The following PBX3 variants were observed in gnomAD, a reference collection of about 807,000 sequenced individuals.
The protein encoded by PBX3 is pre-B-cell leukemia transcription factor 3.
Under a neutral mutation model 48.5 loss-of-function variants are expected in PBX3, and 14 were observed. The ratio of observed to expected loss-of-function variants is 0.29; its 90% CI spans 0.19 to 0.45. The LOEUF (loss-of-function observed/expected upper bound fraction) is 0.45, where lower values mean the gene tolerates loss of function less well. PBX3 is among the 20% of genes least tolerant of loss of function. The pLI is 1.00. For synonymous variants in PBX3, 210 were observed against 200.3 expected (o/e 1.05, Z -0.41); for missense variants, 386 against 546.7 (o/e 0.71, Z 2.93).
chr9:125,797,508 C>A (rs1837819891), intron 2 of PBX3: 2 of 152,030 alleles, frequency 1.3e-5, no homozygotes. Flanking sequence ...ACACACTTAA[C>A]CATGTTTGTG....
intron 2 of PBX3, among the ~76,000 whole-genome samples, chr9:125,752,236 C>T (rs1836395267): frequency 6.6e-6 from 1 of 152,066 alleles, no homozygotes; most frequent in South Asian, 2.1e-4. Context: ...CTTTGTGAGG[C>T]TTATAAGTAG....
chr9:125,894,773 T>C (rs1031241886), intron 2 of PBX3, among the ~76,000 whole-genome samples: 3 of 152,112 alleles, frequency 2.0e-5, no homozygotes, highest in Admixed American at 2.0e-4. Context: ...AGTGTGCTGC[T>C]GAAAATAAGC....
intron 2 of PBX3, among the ~76,000 whole-genome samples, chr9:125,824,886 A>G (rs1295015475): frequency 6.6e-6 from 1 of 152,174 alleles, no homozygotes; most frequent in Non-Finnish European, 1.5e-5. Flanking sequence ...AGTGCTTTAC[A>G]TGCATTAGTT....
intron 2 of PBX3, among the ~76,000 whole-genome samples, chr9:125,821,106 GC>G (rs1838639716): frequency 6.6e-6 from 1 of 152,112 alleles, no homozygotes; most frequent in African/African-American, 2.4e-5. Flanking sequence ...TGCCTTTAAA[GC>G]CTCCTGAAGA....
At chr9:125,772,576 A>G (rs1836967024) in intron 2 of PBX3, among the ~76,000 whole-genome samples, 1 of 152,194 alleles carries the variant, frequency 6.6e-6, no homozygotes, top group Non-Finnish European at 1.5e-5. Flanking sequence ...TTGATTTGTA[A>G]CTTTGACAAG....
intron 2 of PBX3, among the ~76,000 whole-genome samples, chr9:125,897,426 G>T (rs1840800779): frequency 6.6e-6 from 1 of 151,706 alleles, no homozygotes; most frequent in Non-Finnish European, 1.5e-5. Flanking sequence ...AGTACATTTT[G>T]GATTGGCAAA....
At chr9:125,868,587 T>G (rs1415136569) in intron 2 of PBX3, among the ~76,000 whole-genome samples, 1 of 152,208 alleles carries the variant, frequency 6.6e-6, no homozygotes, top group East Asian at 1.9e-4. Flanking sequence ...CTGTCAGTGC[T>G]GACCTAGAAT....
At chr9:125,839,350 A>G (rs1406403992) in intron 2 of PBX3, among the ~76,000 whole-genome samples, 1 of 152,236 alleles carries the variant, frequency 6.6e-6, no homozygotes, top group Non-Finnish European at 1.5e-5. Context: ...TGATGAATAA[A>G]GAGGACTATA....
intron 2 of PBX3, among the ~76,000 whole-genome samples, chr9:125,846,571 A>G (rs967268834): frequency 1.3e-5 from 2 of 152,002 alleles, no homozygotes; most frequent in African/African-American, 4.8e-5. Context: ...CACATCACAG[A>G]AGACAGAATA....
intron 2 of PBX3, among the ~76,000 whole-genome samples, chr9:125,751,451 A>G (rs1364911277): frequency 6.6e-6 from 1 of 152,228 alleles, no homozygotes; most frequent in Non-Finnish European, 1.5e-5. Context: ...CATATATGAA[A>G]AGGTATTTTT....
intron 2 of PBX3, among the ~76,000 whole-genome samples, chr9:125,813,247 CTT>C (rs926244086): frequency 4.6e-5 from 7 of 151,042 alleles, no homozygotes; most frequent in African/African-American, 1.7e-4. Context: ...ATTCTATAAC[CTT>C]TTTATTAATT....
intron 2 of PBX3, among the ~76,000 whole-genome samples, chr9:125,833,028 C>A (rs551971012): frequency 1.4e-4 from 21 of 152,284 alleles, no homozygotes; most frequent in African/African-American, 5.1e-4. Context: ...GTTCCAGCAT[C>A]TGTGTAATCT....
chr9:125,817,778 A>C (rs553965928), intron 2 of PBX3, among the ~76,000 whole-genome samples: 2 of 152,200 alleles, frequency 1.3e-5, no homozygotes, highest in South Asian at 4.1e-4. Context: ...CTGCTCTAGT[A>C]CCCACTTACC....
chr9:125,779,871 G>A (rs1272808907), intron 2 of PBX3, among the ~76,000 whole-genome samples: 51 of 127,222 alleles, frequency 4.0e-4, no homozygotes, highest in East Asian at 7.9e-4. Flanking sequence ...CGGACGGGGC[G>A]GCTGGCCGGG....
At position 125,931,233 on chromosome 9, in the gene PBX3, A is replaced by G. The variant is rs181090821; in HGVS notation, c.707+1388A>G. 3.3e-5 allele frequency among the ~76,000 whole-genome samples: 5 copies of G among 152,344 alleles called. No homozygotes were observed. The East Asian group carries it at 9.6e-4, about 29-fold the overall frequency. On this transcript the variant is annotated intron_variant, in intron 4 of 8. Transcript: ENST00000373489. ...CATGAATACATGAACATTTTCATGT[A>G]GTATAAGCTCTAATTATTAATAGCA...
chr9:125,892,429 T>C (rs1840669752), intron 2 of PBX3, among the ~76,000 whole-genome samples: 1 of 152,182 alleles, frequency 6.6e-6, no homozygotes, highest in Non-Finnish European at 1.5e-5. Context: ...TGAATATATT[T>C]ATTTTAAAAA....
rs777159965 is a variant in PBX3 at position 125,747,490 on chromosome 9, G to A, written c.37G>A (p.Gly13Arg). The A allele has an allele frequency of 3.8e-6, 6 of 1,583,952 alleles. No homozygotes were observed. The highest frequency in any genetic ancestry group is 5.1e-6 in the Non-Finnish European group (6 of 1,166,722). ...ATCCAGGATGCTGCAGACTCTGGCC[G>A]GGGTGAACCTGGCTGGCCACTCGGT... ...DQSRMLQTLA[G>R]VNLAGHSVQG... The change falls in exon 1 of 9, where the codon GGG (glycine) becomes AGG (arginine). Residue 13 changes from glycine (G) to arginine (R), a missense_variant. Transcript: ENST00000373489.
intron 2 of PBX3, among the ~76,000 whole-genome samples, chr9:125,839,920 T>C (rs1042477660): frequency 3.9e-5 from 6 of 152,182 alleles, no homozygotes; most frequent in African/African-American, 1.4e-4. Context: ...AAATTCTTAG[T>C]ATAAAGCAAA....
chr9:125,806,291 G>T (rs528919685), intron 2 of PBX3, among the ~76,000 whole-genome samples: 49 of 152,238 alleles, frequency 3.2e-4, no homozygotes, highest in African/African-American at 1.1e-3. Context: ...TGGAGCAGAG[G>T]GAGGGAGGGA....
Sources: gnomAD v4.1 joint callset for allele counts (sites outside exome capture counted in the v4.1 genomes callset) on GRCh38, gnomAD v4.1.1 for gene constraint, MANE v1.5 for transcripts, NCBI Gene and HGNC (gene_info 2026-07-23, HGNC 2026-07-21) for gene names.